SIAH3: variants seen among roughly 807,000 people sequenced by gnomAD.
The protein encoded by SIAH3 is seven in absentia homolog 3.
SIAH3 carries 9 observed loss-of-function variants against 12.6 expected under a neutral mutation model. That is an observed-to-expected ratio of 0.72 (90% CI 0.43 to 1.25). The LOEUF is 1.25. Ranked by LOEUF, SIAH3 falls within the 50% of genes most tolerant of loss-of-function variation. The pLI is 0.00. For synonymous variants in SIAH3, 154 were observed against 151.1 expected (o/e 1.02, Z -0.14); for missense variants, 390 against 365.4 (o/e 1.07, Z -0.55).
At chr13:45,851,361 G>T (rs1950781019) in intron 1 of SIAH3, 134 bp downstream of exon 1, 1 of 1,180,304 alleles carries the variant, frequency 8.5e-7, no homozygotes, top group Non-Finnish European at 1.2e-6. Flanking sequence ...AAACACGCCG[G>T]GTTCCAGACA....
In SIAH3 at chr13:45,806,323, C is replaced by G. The variant is rs115121134; in HGVS notation, c.136-22266G>C. Among the ~76,000 whole-genome samples the G allele has an allele frequency of 3.4e-3, 521 of 152,252 alleles. 3 individuals are homozygous for G. The highest frequency in any genetic ancestry group is 0.012 in the African/African-American group (509 of 41,548). On this transcript the variant is annotated intron_variant, in intron 1 of 1. Transcript: ENST00000400405. ...AAAGACATGGAATCAACCCAGGTCC[C>G]CATCAATGGTGGACTGGATAAAGAA...
At chr13:45,794,396 A>G (rs1220879358) in intron 1 of SIAH3, among the ~76,000 whole-genome samples, 1 of 152,198 alleles carries the variant, frequency 6.6e-6, no homozygotes, top group Admixed American at 6.5e-5. Flanking sequence ...CAGAGCAAGA[A>G]GGCATAAGTG....
chr13:45,834,938 G>A (rs763944847), intron 1 of SIAH3, among the ~76,000 whole-genome samples: 50 of 152,132 alleles, frequency 3.3e-4, no homozygotes, highest in African/African-American at 1.2e-3. Context: ...AACAGGGCGT[G>A]CCTAACACAT....
intron 1 of SIAH3, among the ~76,000 whole-genome samples, chr13:45,808,096 TA>T (rs59231591): frequency 0.026 from 3,906 of 152,268 alleles, 165 homozygotes; most frequent in African/African-American, 0.089. Context: ...GTTGGTAGCT[TA>T]AAATTAGTCA....
chr13:45,831,127 C>T (rs867663777), intron 1 of SIAH3, among the ~76,000 whole-genome samples: 6 of 151,428 alleles, frequency 4.0e-5, no homozygotes, highest in South Asian at 2.1e-4. Flanking sequence ...TGCAGTGAGC[C>T]GAGATCGGGC....
chr13:45,798,835 T>C (rs1323788959), intron 1 of SIAH3, among the ~76,000 whole-genome samples: 6 of 152,260 alleles, frequency 3.9e-5, no homozygotes, highest in Non-Finnish European at 8.8e-5. Flanking sequence ...ATCTTTAAAC[T>C]GGTCCAAGTG....
chr13:45,820,019 T>C (rs905868643), intron 1 of SIAH3, among the ~76,000 whole-genome samples: 4 of 152,168 alleles, frequency 2.6e-5, no homozygotes, highest in Admixed American at 1.3e-4. Context: ...TGTCCTCACA[T>C]AGCAGGAGGA....
chr13:45,803,978 C>G (rs1057082397), intron 1 of SIAH3, among the ~76,000 whole-genome samples: 1 of 152,034 alleles, frequency 6.6e-6, no homozygotes, highest in South Asian at 2.1e-4. Flanking sequence ...ATCCAATTAC[C>G]TACAACCGAT....
intron 1 of SIAH3, among the ~76,000 whole-genome samples, chr13:45,819,439 G>A (rs1393012184): frequency 6.6e-6 from 1 of 152,192 alleles, no homozygotes; most frequent in Non-Finnish European, 1.5e-5. Context: ...GACGGGACAG[G>A]AAGGAGTGGT....
intron 1 of SIAH3, among the ~76,000 whole-genome samples, chr13:45,825,472 C>A (rs569790461): frequency 7.1e-4 from 108 of 152,354 alleles, no homozygotes; most frequent in Admixed American, 2.2e-3. Context: ...AAGCCAGGAG[C>A]GCAGCCCCCA....
chr13:45,784,058 C>A lies in SIAH3; in HGVS notation c.136-1G>T. Reference sequence around the variant, plus strand: ...TGACGGCGCGCCGACTGGACACATACTGTAAGGAAAGAGAAGAACGTCAGT... The same window carrying A: ...TGACGGCGCGCCGACTGGACACATAATGTAAGGAAAGAGAAGAACGTCAGT... On this transcript the variant is annotated splice_acceptor_variant, in intron 1 of 1. Transcript: ENST00000400405. LOFTEE classifies it high-confidence loss of function. 1 of 1,571,204 alleles carries A rather than the reference C, an allele frequency of 6.4e-7. No homozygotes were observed.
intron 1 of SIAH3, among the ~76,000 whole-genome samples, chr13:45,809,975 C>A (rs1750974542): frequency 6.6e-6 from 1 of 152,182 alleles, no homozygotes; most frequent in Non-Finnish European, 1.5e-5. Context: ...TTTCAGCAGC[C>A]CAGGCAGAAG....
intron 1 of SIAH3, among the ~76,000 whole-genome samples, chr13:45,837,192 A>G (rs1950720729): frequency 6.6e-6 from 1 of 152,134 alleles, no homozygotes; most frequent in Non-Finnish European, 1.5e-5. Context: ...GGAGGAAACC[A>G]ATCTTATTAA....
chr13:45,830,842 C>T (rs1473640901), intron 1 of SIAH3, among the ~76,000 whole-genome samples: 1 of 150,936 alleles, frequency 6.6e-6, no homozygotes, highest in Non-Finnish European at 1.5e-5. Flanking sequence ...CAAAAAAAGG[C>T]AGAGGAAGGT....
intron 1 of SIAH3, among the ~76,000 whole-genome samples, chr13:45,816,905 A>T (rs757782938): frequency 6.6e-6 from 1 of 152,222 alleles, no homozygotes; most frequent in Non-Finnish European, 1.5e-5. Context: ...CCAGGTACTA[A>T]TGTCATTGAC....
At chr13:45,838,278 G>A (rs957588350) in intron 1 of SIAH3, among the ~76,000 whole-genome samples, 2 of 152,168 alleles carry the variant, frequency 1.3e-5, no homozygotes, top group Admixed American at 6.5e-5. Flanking sequence ...TCAAGGAGTG[G>A]GTGGTAAGTG....
In SIAH3 at chr13:45,794,110, TGA is replaced by T. The variant is rs1253414065; in HGVS notation, c.136-10055_136-10054del. Among the ~76,000 whole-genome samples, 3 of 145,584 alleles carry T rather than the reference TGA, an allele frequency of 2.1e-5. No homozygotes were observed. In the South Asian group the frequency reaches 6.4e-4, roughly 31 times the overall value. ...CCCTCCTGACACTTTTTTTTTTTTT[TGA>T]GATGGAGTCTTACTCTGTCACCCAG... is the stretch of plus-strand genomic sequence containing the variant. On this transcript the variant is annotated intron_variant, in intron 1 of 1. Coordinates refer to ENST00000400405, the MANE Select transcript of SIAH3 (RefSeq NM_198849.3).
rs1447427825 is a variant in SIAH3 at position 45,817,388 on chromosome 13, T to C, written c.136-33331A>G. On this transcript the variant is annotated intron_variant, in intron 1 of 1. Coordinates refer to ENST00000400405, the MANE Select transcript of SIAH3 (RefSeq NM_198849.3). ...TCTAGGTCTGTGTGAGTGCAATCTG[T>C]GATATTCACAAGATGAAATTGCCTA... 2.6e-5 allele frequency among the ~76,000 whole-genome samples: 4 copies of C among 152,362 alleles called. No individual in the cohort carries two copies. The East Asian group carries it at 7.7e-4, about 29-fold the overall frequency.
At chr13:45,785,138 A>G (rs910729895) in intron 1 of SIAH3, among the ~76,000 whole-genome samples, 83 of 151,992 alleles carry the variant, frequency 5.5e-4, no homozygotes, top group African/African-American at 1.8e-3. Context: ...ACAAGAGCAC[A>G]CCCCCATCCA....
Sources: gnomAD v4.1 joint callset for allele counts (sites outside exome capture counted in the v4.1 genomes callset) on GRCh38, gnomAD v4.1.1 for gene constraint, MANE v1.5 for transcripts, NCBI Gene and HGNC (gene_info 2026-07-23, HGNC 2026-07-21) for gene names.